The following ZDHHC9 variants were observed in gnomAD, a reference collection of about 807,000 sequenced individuals.
The protein encoded by ZDHHC9 is zDHHC palmitoyltransferase 9.
Under a neutral mutation model 26.6 loss-of-function variants are expected in ZDHHC9, and 3 were observed. That is an observed-to-expected ratio of 0.11 (90% CI 0.05 to 0.29). The LOEUF is 0.29. Ranked by LOEUF, ZDHHC9 falls within the 10% of genes least tolerant of loss-of-function variation. The pLI, the probability that ZDHHC9 is intolerant of heterozygous loss-of-function variation, is 1.00. For synonymous variants in ZDHHC9, 111 were observed against 109.4 expected, an observed-to-expected ratio of 1.01 and a Z score of -0.09; for missense variants, 146 against 296.4, an observed-to-expected ratio of 0.49 and a Z score of 3.73.
rs561064916 is a variant in ZDHHC9, at chrX:129,806,731, T to C, written c.979-245A>G. 2.3e-3 allele frequency among the ~76,000 whole-genome samples: 260 copies of C among 111,898 alleles called. 2 individuals are homozygous for C. The highest frequency in any genetic ancestry group is 0.021 in the Admixed American group (226 of 10,516). On this transcript the variant is annotated intron_variant, in intron 10 of 10. Transcript: ENST00000357166. Reference sequence around the variant, plus strand: ...GGACAGATTTTTCTATTATTATTAATAGTCATAATAATAGGAATCACAAAT... The same window carrying C: ...GGACAGATTTTTCTATTATTATTAACAGTCATAATAATAGGAATCACAAAT...
Position 129,805,770 on chromosome X carries a change from TGGGAGA to T in ZDHHC9, c.*594_*599del. The T allele has an allele frequency of 1.7e-5, 2 of 115,566 alleles. No homozygotes were observed. The highest frequency in any genetic ancestry group is 3.7e-5 in the Non-Finnish European group (2 of 54,638). 9.5% of individuals were successfully genotyped at this position (115,566 alleles called of 1,213,427 possible). A position where few individuals can be genotyped will look rare whatever the true frequency, so the allele number is the denominator to read the frequency against. On this transcript the variant is annotated 3_prime_UTR_variant, in exon 11 of 11. Transcript: ENST00000357166. ...AGTGGGGCTTAGGTGTCAGAGTGGA[TGGGAGA>T]CAAAGGAGAAGCTACACTAATAAAT... is the stretch of plus-strand genomic sequence containing the variant.
intron 5 of ZDHHC9, among the ~76,000 whole-genome samples, chrX:129,819,840 C>T (rs1322080711): frequency 9.1e-6 from 1 of 110,472 alleles, no homozygotes. Context: ...GGATTACAGG[C>T]ACATGTCACC....
chrX:129,814,083 TC>T (rs1039809505), intron 6 of ZDHHC9, among the ~76,000 whole-genome samples: 6 of 111,773 alleles, frequency 5.4e-5, no homozygotes, highest in Non-Finnish European at 9.4e-5. Flanking sequence ...TACGTGTCCC[TC>T]CCTTGTTCAA....
intron 10 of ZDHHC9, among the ~76,000 whole-genome samples, chrX:129,810,368 T>A (rs948062299): frequency 5.5e-5 from 6 of 109,085 alleles, no homozygotes; most frequent in Non-Finnish European, 9.6e-5. Context: ...TCAAGTAATA[T>A]TTTTTTTTAG....
In ZDHHC9 at chrX:129,812,828, G is replaced by A; in HGVS notation, c.675-8C>T. On this transcript the variant is annotated splice_polypyrimidine_tract_variant and splice_region_variant and intron_variant, in intron 7 of 10. Transcript: ENST00000357166. ...ATGAGGACTTCTAGAACAGTGAGGT[G>A]TGGTTAAGGAGTATTGAAGAACTCA... The A allele has an allele frequency of 8.5e-7, 1 of 1,170,171 alleles. No homozygotes were observed. Among genetic ancestry groups the A allele is most frequent in the Non-Finnish European group, 1.2e-6 (1 of 857,539 alleles).
chrX:129,838,562 G>A (rs773890651), intron 3 of ZDHHC9, among the ~76,000 whole-genome samples: 17 of 111,324 alleles, frequency 1.5e-4, no homozygotes, highest in African/African-American at 4.2e-4. Context: ...CCAGCTACTC[G>A]GGAGGCTGAG....
intron 3 of ZDHHC9, among the ~76,000 whole-genome samples, chrX:129,838,290 C>G (rs1162951848): frequency 5.4e-5 from 6 of 111,774 alleles, no homozygotes; most frequent in Non-Finnish European, 5.6e-5. Context: ...ATTTCAGGTT[C>G]TTGGAGTTGC....
chrX:129,819,886 G>A (rs966297925), intron 5 of ZDHHC9, among the ~76,000 whole-genome samples: 6 of 110,056 alleles, frequency 5.5e-5, no homozygotes, highest in Non-Finnish European at 9.5e-5. Context: ...TAGTAGAGAC[G>A]AGGTTTCACC....
At chrX:129,828,706 A>T (rs746065360) in intron 4 of ZDHHC9, among the ~76,000 whole-genome samples, 1 of 111,466 alleles carries the variant, frequency 9.0e-6, no homozygotes, top group Non-Finnish European at 1.9e-5. Flanking sequence ...CCAAAAAAGT[A>T]AAAAACCATC....
At position 129,814,810 on chromosome X, in the gene ZDHHC9, G is replaced by C. The variant is rs759659851; in HGVS notation, c.488-15C>G. 13 of 1,210,907 alleles carry C rather than the reference G, an allele frequency of 1.1e-5. No homozygotes were observed. The South Asian group carries it at 1.2e-4, about 11-fold the overall frequency. The stretch of plus-strand genomic sequence containing the variant: ...GTCGAAGCGCTCTGTGGGAGAAAGA[G>C]AGAGTCCAAAGCCAAAAGCCTCCAG... On this transcript the variant is annotated splice_polypyrimidine_tract_variant and intron_variant, in intron 5 of 10. Coordinates refer to ENST00000357166, the MANE Select transcript of ZDHHC9 (RefSeq NM_016032.4).
At chrX:129,822,017 A>G (rs1015921407) in intron 5 of ZDHHC9, among the ~76,000 whole-genome samples, 3 of 111,756 alleles carry the variant, frequency 2.7e-5, no homozygotes, top group Non-Finnish European at 3.8e-5. Flanking sequence ...AGTGTAAATT[A>G]GTTCAACCAT....
chrX:129,825,191 T>C (rs770108444), intron 4 of ZDHHC9, among the ~76,000 whole-genome samples: 14 of 110,783 alleles, frequency 1.3e-4, no homozygotes, highest in Non-Finnish European at 2.3e-4. Context: ...TAATCCCAGC[T>C]ACTCTGGAGG....
chrX:129,841,675 C>T (rs1051527211), intron 3 of ZDHHC9, 104 bp downstream of exon 3: 16 of 1,011,744 alleles, frequency 1.6e-5, no homozygotes, highest in Admixed American at 6.8e-5. Context: ...CTCAAGAGGA[C>T]GTTAAAGTCA....
At chrX:129,816,419 T>C (rs1337552593) in intron 5 of ZDHHC9, among the ~76,000 whole-genome samples, 1 of 109,763 alleles carries the variant, frequency 9.1e-6, no homozygotes, top group Non-Finnish European at 1.9e-5. Context: ...AACACACTGA[T>C]ACTGTATTTA....
rs763104899 is a variant in ZDHHC9 at position 129,829,042 on chromosome X, A to G, written c.267T>C (p.Ser89=). 2 of 1,212,022 alleles carry G rather than the reference A, an allele frequency of 1.7e-6. No homozygotes were observed. The highest frequency in any genetic ancestry group is 2.2e-6 in the Non-Finnish European group (2 of 895,593). ...GCGCCCGAGGAATCACTCCAGGGTC[A>G]CTGAAGCTGGTCCTCAACAGTGTAG... ...SMATLLRTSF[S]DPGVIPRALP... is the part of the protein sequence containing the mutation. Residue 89 remains serine, a synonymous_variant, in exon 4 of 11, where the codon AGT becomes AGC. Coordinates refer to ENST00000357166, the MANE Select transcript of ZDHHC9 (RefSeq NM_016032.4).
At chrX:129,813,833 A>T in intron 6 of ZDHHC9, 108 bp from the exon 7 acceptor site, 1 of 731,858 alleles carries the variant, frequency 1.4e-6, no homozygotes, top group Non-Finnish European at 2.1e-6. Context: ...CGTGTTACAC[A>T]CTGGCAAGAG....
Position 129,814,761 on chromosome X carries a change from A to G in ZDHHC9, c.522T>C (p.Asn174=). The change falls in exon 6 of 11, where the codon AAT becomes AAC. Residue 174 remains asparagine (N), a synonymous_variant. Transcript: ENST00000357166. ...AGCGGTAGTTCCTCTTTCCAACACA[A>G]TTCCCCACCCAGGGGCAGTGATGGT... is the stretch of plus-strand genomic sequence containing the variant. ...RFDHHCPWVG[N]CVGKRNYRYF... 2 of 1,210,649 alleles carry G rather than the reference A, an allele frequency of 1.7e-6. No individual in the cohort carries two copies. Among genetic ancestry groups the G allele is most frequent in the Non-Finnish European group, 1.1e-6 (1 of 895,123 alleles).
intron 3 of ZDHHC9, 71 bp downstream of exon 3, chrX:129,841,708 C>T: frequency 1.7e-6 from 2 of 1,186,504 alleles, no homozygotes; most frequent in Non-Finnish European, 2.3e-6. Context: ...CCCCAAACTC[C>T]CCAGAAAGCA....
chrX:129,819,717 A>T (rs1399204334), intron 5 of ZDHHC9, among the ~76,000 whole-genome samples: 1 of 108,515 alleles, frequency 9.2e-6, no homozygotes, highest in African/African-American at 3.5e-5. Flanking sequence ...ATTTATTTAG[A>T]GACAGAGTCT....
Sources: gnomAD v4.1 joint callset for allele counts (sites outside exome capture counted in the v4.1 genomes callset) on GRCh38, gnomAD v4.1.1 for gene constraint, MANE v1.5 for transcripts, NCBI Gene and HGNC (gene_info 2026-07-23, HGNC 2026-07-21) for gene names.